Variants in LRIG3 observed in about 807,000 individuals in gnomAD.
LRIG3 encodes leucine rich repeats and immunoglobulin like domains 3, also known as leucine-rich repeats and immunoglobulin-like domains protein 3.
LRIG3 carries 76 observed loss-of-function variants against 114.5 expected under a neutral mutation model. The observed-to-expected ratio is 0.66, with a 90% CI of 0.55 to 0.80. LRIG3 has a LOEUF of 0.80. Ranked by LOEUF, LRIG3 falls within the 30% of genes least tolerant of loss-of-function variation. LRIG3 has a pLI of 0.00. For synonymous variants in LRIG3, 512 were observed against 519.8 expected, an observed-to-expected ratio of 0.98 and a Z score of 0.20; for missense variants, 1,239 against 1,382.8, an observed-to-expected ratio of 0.90 and a Z score of 1.65.
chr12:58,920,186 A>T lies in LRIG3; in HGVS notation c.50T>A (p.Leu17Gln). The change falls in exon 1 of 19, where the codon CTG (leucine) becomes CAG (glutamine). Residue 17 changes from leucine (L) to glutamine (Q), a missense_variant. Physicochemically the swap from Leu to Gln is moderately radical, Grantham distance 113 (BLOSUM62 -2). Transcript: ENST00000320743. ...GCCAGCGCGCCCCAGCACCGCGCACAGCAGCAGCCCCAACCCCGCGGCGCG... is the reference window on the plus strand; with the variant it reads ...GCCAGCGCGCCCCAGCACCGCGCACTGCAGCAGCCCCAACCCCGCGGCGCG... ...RARAAGLGLL[L>Q]CAVLGRAGRS... 6.6e-7 allele frequency: 1 copy of T among 1,514,778 alleles called. No individual in the cohort carries two copies. Among genetic ancestry groups the T allele is most frequent in the Non-Finnish European group, 8.8e-7 (1 of 1,136,260 alleles). The allele number at this position is 1,514,778 out of a possible 1,614,324, so 93.8% of individuals were successfully genotyped here. A position where few individuals can be genotyped will look rare whatever the true frequency, so the allele number is the denominator to read the frequency against.
At chr12:58,873,263 C>T (rs534684895) in intron 18 of LRIG3, among the ~76,000 whole-genome samples, 1 of 152,232 alleles carries the variant, frequency 6.6e-6, no homozygotes, top group South Asian at 2.1e-4. Flanking sequence ...CCAAATATTA[C>T]TCAATTGAAT....
chr12:58,907,195 A>G (rs529502975), intron 3 of LRIG3, among the ~76,000 whole-genome samples: 2 of 152,276 alleles, frequency 1.3e-5, no homozygotes, highest in South Asian at 4.1e-4. Context: ...TCTTGTTCAG[A>G]GCACCTTGAA....
At chr12:58,919,370 G>C in intron 1 of LRIG3, 1 of 1,549,982 alleles carries the variant, frequency 6.5e-7, no homozygotes, top group Non-Finnish European at 8.7e-7. Context: ...ATCGAGTTCC[G>C]CCCTTTCCAT....
In LRIG3 at chr12:58,872,714, G is replaced by C; in HGVS notation, c.3218C>G (p.Ser1073Cys). 6.2e-7 allele frequency: 1 copy of C among 1,614,076 alleles called. No homozygotes were observed. The highest frequency in any genetic ancestry group is 8.5e-7 in the Non-Finnish European group (1 of 1,179,964). Reference sequence around the variant, plus strand: ...TGACCCAGAGTCCAAGTCTGGGGAAGAATGAGCTTTCAAATAAAAGGCTCT... The same window carrying C: ...TGACCCAGAGTCCAAGTCTGGGGAACAATGAGCTTTCAAATAAAAGGCTCT... ...QPRAFYLKAH[S>C]SPDLDSGSEE... The change falls in exon 19 of 19, where the codon TCT becomes TGT. Residue 1073 changes from serine to cysteine, a missense_variant. Physicochemically the swap from Ser to Cys is moderately radical, Grantham distance 112. Transcript: ENST00000320743.
intron 16 of LRIG3, among the ~76,000 whole-genome samples, chr12:58,875,415 T>C (rs1488850052): frequency 6.6e-6 from 1 of 152,222 alleles, no homozygotes; most frequent in Non-Finnish European, 1.5e-5. Flanking sequence ...TATCCACCTC[T>C]GACGAAACTG....
At position 58,885,889 on chromosome 12, in the gene LRIG3, T is replaced by G. The variant is rs780363985; in HGVS notation, c.1186A>C (p.Asn396His). The G allele has an allele frequency of 5.1e-6, 8 of 1,584,050 alleles. No individual in the cohort carries two copies. The highest frequency in any genetic ancestry group is 6.9e-6 in the Non-Finnish European group (8 of 1,161,064). The change falls in exon 10 of 19, where the codon AAT becomes CAT. Residue 396 changes from asparagine (N) to histidine (H), a missense_variant. By Grantham distance (68) the Asn-to-His change is moderately conservative (BLOSUM62 1). Coordinates refer to ENST00000320743, the MANE Select transcript of LRIG3 (RefSeq NM_153377.5). ...TTTTTAGTAATAGAACGGATCCGAT[T>G]TCCTTGGAGTATCCTGGGGAAAAAA... ...DKLRRLILQG[N>H]RIRSITKKAF... is the part of the protein sequence containing the mutation.
chr12:58,885,710 T>G (rs570804491), intron 10 of LRIG3, 121 bp downstream of exon 10: 2 of 519,830 alleles, frequency 3.8e-6, no homozygotes, highest in African/African-American at 3.9e-5. Context: ...TTTAAATATA[T>G]TTTATGGAAC....
At chr12:58,875,705 T>C (rs1565613018) in intron 16 of LRIG3, among the ~76,000 whole-genome samples, 1 of 152,172 alleles carries the variant, frequency 6.6e-6, no homozygotes, top group Non-Finnish European at 1.5e-5. Flanking sequence ...CCATTATTAT[T>C]CTCAAAACTA....
intron 1 of LRIG3, among the ~76,000 whole-genome samples, chr12:58,918,212 G>A (rs1387538318): frequency 6.6e-6 from 1 of 152,182 alleles, no homozygotes; most frequent in Non-Finnish European, 1.5e-5. Flanking sequence ...CTAGTATTGA[G>A]ACAATTTACT....
intron 8 of LRIG3, 112 bp downstream of exon 8, chr12:58,887,677 C>T: frequency 9.0e-7 from 1 of 1,111,666 alleles, no homozygotes. Context: ...TAAGATACTA[C>T]TTCTGAGGCT....
At position 58,905,092 on chromosome 12, in the gene LRIG3, A is replaced by G. The variant is rs150159254; in HGVS notation, c.383+8890T>C. 4.0e-3 allele frequency among the ~76,000 whole-genome samples: 606 copies of G among 152,228 alleles called. 8 individuals carry two copies. The highest frequency in any genetic ancestry group is 0.014 in the African/African-American group (583 of 41,534). ...GGCACATCTGGAGAACTGAGGAGTG[A>G]CTCCAGAGACTGCTCAATGGGCCAA... On this transcript the variant is annotated intron_variant, in intron 3 of 18. Transcript: ENST00000320743.
chr12:58,910,123 C>A (rs1460429832), intron 3 of LRIG3, among the ~76,000 whole-genome samples: 1 of 152,066 alleles, frequency 6.6e-6, no homozygotes, highest in Non-Finnish European at 1.5e-5. Context: ...CAATGATGGA[C>A]TAAGAAATGC....
chr12:58,876,259 G>A (rs971059112), intron 16 of LRIG3, among the ~76,000 whole-genome samples, 186 bp downstream of exon 16: 38 of 152,168 alleles, frequency 2.5e-4, no homozygotes, highest in African/African-American at 8.9e-4. Context: ...TAGAAACAAA[G>A]ATTTATTTCT....
chr12:58,918,904 T>A (rs1299273082), intron 1 of LRIG3, among the ~76,000 whole-genome samples: 1 of 152,252 alleles, frequency 6.6e-6, no homozygotes, highest in African/African-American at 2.4e-5. Context: ...AAAAGTTATT[T>A]AGATTAGCAC....
intron 3 of LRIG3, among the ~76,000 whole-genome samples, chr12:58,912,455 C>T (rs1381406892): frequency 6.6e-6 from 1 of 152,004 alleles, no homozygotes; most frequent in Non-Finnish European, 1.5e-5. Context: ...AAGATCGTGC[C>T]ACTGCACTCC....
chr12:58,880,490 A>G (rs746953990), intron 13 of LRIG3, 91 bp downstream of exon 13: 18 of 1,284,524 alleles, frequency 1.4e-5, no homozygotes, highest in Non-Finnish European at 2.0e-5. Context: ...TGTGAGAAGA[A>G]AAGACAGGGT....
At chr12:58,914,923 A>G (rs891781695) in intron 1 of LRIG3, among the ~76,000 whole-genome samples, 1 of 152,196 alleles carries the variant, frequency 6.6e-6, no homozygotes, top group Non-Finnish European at 1.5e-5. Flanking sequence ...TCAATATCTG[A>G]TAATATAAAA....
At position 58,878,949 on chromosome 12, in the gene LRIG3, T is replaced by A; in HGVS notation, c.1958A>T (p.His653Leu). Residue 653 changes from histidine to leucine, a missense_variant, in exon 14 of 19, where the codon CAT becomes CTT. Transcript: ENST00000320743. Reference protein sequence around the residue: ...DFPAARERRMHVMPEDDVFFI... With the variant: ...DFPAARERRMLVMPEDDVFFI... The stretch of plus-strand genomic sequence containing the variant: ...GAACACGTCATCCTCGGGCATCACA[T>A]GCATGCGTCTCTCCCGTGCAGCTGG... 6.2e-7 allele frequency: 1 copy of A among 1,614,136 alleles called. No individual in the cohort carries two copies. The highest frequency in any genetic ancestry group is 8.5e-7 in the Non-Finnish European group (1 of 1,179,974).
chr12:58,881,906 G>T (rs530801901), intron 12 of LRIG3, among the ~76,000 whole-genome samples: 12 of 152,174 alleles, frequency 7.9e-5, no homozygotes, highest in Non-Finnish European at 1.8e-4. Context: ...GTGTTTCAAC[G>T]TAATAGGGGG....
Sources: allele counts gnomAD v4.1 joint callset (sites outside exome capture counted in the v4.1 genomes callset), GRCh38; gene constraint gnomAD v4.1.1; transcripts MANE v1.5; gene names NCBI Gene and HGNC (gene_info 2026-07-23, HGNC 2026-07-21).